The following RBFOX1 variants were observed in gnomAD, a reference collection of about 807,000 sequenced individuals.
RBFOX1 encodes RNA binding fox-1 homolog 1, also known as RNA binding protein fox-1 homolog 1.
Under a neutral mutation model 57.7 loss-of-function variants are expected in RBFOX1, and 8 were observed. The ratio of observed to expected loss-of-function variants is 0.14; its 90% CI spans 0.08 to 0.25. RBFOX1 has a LOEUF of 0.25. Among genes scored for constraint, RBFOX1 ranks in the 10% least tolerant of loss-of-function variants. The pLI, the probability that RBFOX1 is intolerant of heterozygous loss-of-function variation, is 1.00. For synonymous variants in RBFOX1, 326 were observed against 222.4 expected (o/e 1.47, Z -4.15); for missense variants, 611 against 548.5 (o/e 1.11, Z -1.14).
At chr16:7,365,260 G>C (rs1317533946) in intron 4 of RBFOX1, among the ~76,000 whole-genome samples, 1 of 152,140 alleles carries the variant, frequency 6.6e-6, no homozygotes, top group South Asian at 2.1e-4. Flanking sequence ...CACTCAATGG[G>C]GTAATAAATA....
intron 3 of RBFOX1, among the ~76,000 whole-genome samples, chr16:6,675,640 G>A (rs1332958434): frequency 6.6e-6 from 1 of 152,194 alleles, no homozygotes; most frequent in Non-Finnish European, 1.5e-5. Context: ...AGTTCCATGT[G>A]ACTGGGGATG....
intron 4 of RBFOX1, among the ~76,000 whole-genome samples, chr16:7,448,292 A>C (rs2098824033): frequency 6.6e-6 from 1 of 152,238 alleles, no homozygotes; most frequent in East Asian, 1.9e-4. Context: ...AGGATGTATT[A>C]GTTGATTCTG....
intron 3 of RBFOX1, among the ~76,000 whole-genome samples, chr16:6,913,824 C>T (rs556272161): frequency 2.0e-5 from 3 of 152,294 alleles, no homozygotes; most frequent in South Asian, 2.1e-4. Context: ...AACTACTTCC[C>T]AGCCCTGCAT....
At chr16:7,247,729 G>A (rs967612233) in intron 4 of RBFOX1, among the ~76,000 whole-genome samples, 1 of 152,156 alleles carries the variant, frequency 6.6e-6, no homozygotes, top group Admixed American at 6.5e-5. Flanking sequence ...TTAAATCCAG[G>A]TTAAGTACAT....
intron 4 of RBFOX1, among the ~76,000 whole-genome samples, chr16:7,237,380 T>A (rs2093820854): frequency 6.6e-6 from 1 of 152,200 alleles, no homozygotes; most frequent in Non-Finnish European, 1.5e-5. Flanking sequence ...GTACATACAA[T>A]AATAATTAAT....
intron 2 of RBFOX1, among the ~76,000 whole-genome samples, chr16:6,556,577 T>G (rs1190238971): frequency 6.6e-6 from 1 of 152,194 alleles, no homozygotes; most frequent in Admixed American, 6.5e-5. Flanking sequence ...TGAGACATTC[T>G]TGTCATTTTC....
At chr16:7,278,754 TC>T (rs1008178013) in intron 4 of RBFOX1, among the ~76,000 whole-genome samples, 1 of 152,236 alleles carries the variant, frequency 6.6e-6, no homozygotes, top group African/African-American at 2.4e-5. Context: ...ACTTAAAATA[TC>T]ATTTGTTTAA....
intron 10 of RBFOX1, chr16:7,614,821 AT>A (rs1288826972): frequency 1.3e-5 from 2 of 152,178 alleles, no homozygotes; most frequent in Non-Finnish European, 2.9e-5. Flanking sequence ...CTATCCCATT[AT>A]TTTCATGATC....
chr16:6,305,752 G>A (rs536246949), intron 1 of RBFOX1, among the ~76,000 whole-genome samples: 4 of 151,806 alleles, frequency 2.6e-5, no homozygotes, highest in African/African-American at 9.7e-5. Context: ...GGCCAGAGAT[G>A]GACAGTAACT....
chr16:7,372,409 A>C (rs920451463), intron 4 of RBFOX1, among the ~76,000 whole-genome samples: 1 of 152,172 alleles, frequency 6.6e-6, no homozygotes, highest in Admixed American at 6.5e-5. Context: ...TTTTGCTTGA[A>C]GTTCTCCTTA....
At chr16:7,434,669 A>C (rs928817893) in intron 4 of RBFOX1, among the ~76,000 whole-genome samples, 26 of 152,074 alleles carry the variant, frequency 1.7e-4, no homozygotes, top group African/African-American at 6.0e-4. Context: ...TTACATTTAC[A>C]GAAAAGTTGT....
At chr16:6,425,859 A>G (rs2093910669) in intron 2 of RBFOX1, among the ~76,000 whole-genome samples, 1 of 152,126 alleles carries the variant, frequency 6.6e-6, no homozygotes, top group Non-Finnish European at 1.5e-5. Flanking sequence ...TACATAGCAT[A>G]ATGTCAATCA....
At chr16:5,322,465 G>A (rs2151252814) in intron 1 of RBFOX1, among the ~76,000 whole-genome samples, 1 of 152,270 alleles carries the variant, frequency 6.6e-6, no homozygotes, top group South Asian at 2.1e-4. Context: ...TGCACTGTTA[G>A]CCTCTGTGGC....
intron 1 of RBFOX1, among the ~76,000 whole-genome samples, chr16:5,409,888 A>T (rs1319188012): frequency 2.6e-5 from 4 of 152,012 alleles, no homozygotes; most frequent in Middle Eastern, 6.8e-3. Context: ...TCTCTACTAA[A>T]AATAGAAAAA....
chr16:5,269,431 T>G, intron 1 of RBFOX1, among the ~76,000 whole-genome samples: 1 of 152,276 alleles, frequency 6.6e-6, no homozygotes, highest in Non-Finnish European at 1.5e-5. Context: ...ATAATTACAT[T>G]AGCATCACTC....
intron 3 of RBFOX1, among the ~76,000 whole-genome samples, chr16:7,015,754 ATTTTCT>A (rs1254326564): frequency 6.6e-6 from 1 of 150,804 alleles, no homozygotes; most frequent in African/African-American, 2.4e-5. Context: ...TTTTAATAAC[ATTTTCT>A]TTTTTTTTCT....
At chr16:6,590,173 C>T (rs1600781709) in intron 2 of RBFOX1, among the ~76,000 whole-genome samples, 1 of 152,174 alleles carries the variant, frequency 6.6e-6, no homozygotes. Context: ...TCTAAGTTCA[C>T]ATGGCATATT....
At chr16:6,671,998 T>C (rs2098768343) in intron 3 of RBFOX1, among the ~76,000 whole-genome samples, 1 of 152,198 alleles carries the variant, frequency 6.6e-6, no homozygotes, top group South Asian at 2.1e-4. Flanking sequence ...AATGGCTTGG[T>C]CATATGTTAA....
At chr16:6,574,912 C>A (rs1181667141) in intron 2 of RBFOX1, among the ~76,000 whole-genome samples, 9 of 151,494 alleles carry the variant, frequency 5.9e-5, no homozygotes, top group Admixed American at 4.6e-4. Context: ...GTGGCGGGCG[C>A]CTGTAGTCCC....
Sources: allele counts gnomAD v4.1 joint callset (sites outside exome capture counted in the v4.1 genomes callset), GRCh38; gene constraint gnomAD v4.1.1; transcripts MANE v1.5; gene names NCBI Gene and HGNC (gene_info 2026-07-23, HGNC 2026-07-21).